TTC28: variants seen among roughly 807,000 people sequenced by gnomAD.
TTC28 encodes tetratricopeptide repeat domain 28.
In TTC28, 61 loss-of-function variants were observed where a neutral mutation model predicts 198.0. The observed-to-expected ratio is 0.31, with a 90% CI of 0.25 to 0.38. TTC28 has a LOEUF of 0.38. Ranked by LOEUF, TTC28 falls within the 10% of genes least tolerant of loss-of-function variation. TTC28 has a pLI of 1.00. For synonymous variants in TTC28, 1,171 were observed against 1,297.8 expected (o/e 0.90, Z 2.10); for missense variants, 2,678 against 3,164.0 (o/e 0.85, Z 3.69).
intron 2 of TTC28, among the ~76,000 whole-genome samples, chr22:28,413,901 AAG>A (rs1254247086): frequency 6.6e-6 from 1 of 152,196 alleles, no homozygotes; most frequent in Admixed American, 6.5e-5. Flanking sequence ...TTAAACCCAA[AAG>A]AGAGGTGGAA....
At chr22:28,149,885 G>T (rs1453064544) in intron 6 of TTC28, among the ~76,000 whole-genome samples, 1 of 152,166 alleles carries the variant, frequency 6.6e-6, no homozygotes, top group Non-Finnish European at 1.5e-5. Context: ...TAAAAGGGTA[G>T]ATTTTAAATG....
intron 1 of TTC28, among the ~76,000 whole-genome samples, chr22:28,671,634 C>CAA (rs370262568): frequency 7.4e-4 from 60 of 81,584 alleles, no homozygotes; most frequent in South Asian, 1.3e-3. Flanking sequence ...GACTCCATCT[C>CAA]AAAAAAAAAA....
intron 13 of TTC28, among the ~76,000 whole-genome samples, chr22:28,017,413 G>A (rs73166779): frequency 0.036 from 5,537 of 152,348 alleles, 135 homozygotes; most frequent in Non-Finnish European, 0.053. Context: ...CCGGGGATAA[G>A]TCCCTGACTC....
chr22:28,530,978 T>C (rs1361555907), intron 2 of TTC28, among the ~76,000 whole-genome samples: 4 of 152,270 alleles, frequency 2.6e-5, no homozygotes, highest in African/African-American at 4.8e-5. Flanking sequence ...AGACCATTGA[T>C]GCTAGGAAGA....
intron 2 of TTC28, among the ~76,000 whole-genome samples, chr22:28,447,304 G>A (rs1389189925): frequency 6.6e-6 from 1 of 152,070 alleles, no homozygotes; most frequent in African/African-American, 2.4e-5. Flanking sequence ...CATGTTAAAA[G>A]GGGCAACTGC....
intron 2 of TTC28, among the ~76,000 whole-genome samples, chr22:28,509,097 A>C (rs1207289389): frequency 6.6e-6 from 1 of 151,832 alleles, no homozygotes; most frequent in Non-Finnish European, 1.5e-5. Flanking sequence ...AGGCTGAGGC[A>C]GGAGAATTGC....
At chr22:28,531,024 C>T (rs2049123789) in intron 2 of TTC28, among the ~76,000 whole-genome samples, 1 of 152,164 alleles carries the variant, frequency 6.6e-6, no homozygotes, top group Non-Finnish European at 1.5e-5. Context: ...AACCAGCTGA[C>T]ATCATAATGA....
chr22:28,596,444 T>C (rs963548958), intron 2 of TTC28, among the ~76,000 whole-genome samples: 8 of 152,210 alleles, frequency 5.3e-5, no homozygotes, highest in African/African-American at 1.7e-4. Flanking sequence ...GGCTCCATAA[T>C]ACTTATTGCT....
chr22:28,312,718 A>C (rs1273739743), intron 2 of TTC28, among the ~76,000 whole-genome samples: 1 of 152,248 alleles, frequency 6.6e-6, no homozygotes, highest in Non-Finnish European at 1.5e-5. Flanking sequence ...AGCAGTGTGT[A>C]GAGGGAAATT....
chr22:28,626,350 T>C (rs2051076504), intron 2 of TTC28, among the ~76,000 whole-genome samples: 2 of 152,060 alleles, frequency 1.3e-5, no homozygotes, highest in Admixed American at 1.3e-4. Context: ...CTTTAGATCC[T>C]TACATAAAAA....
intron 13 of TTC28, among the ~76,000 whole-genome samples, chr22:28,019,567 T>C (rs2146598164): frequency 6.6e-6 from 1 of 152,358 alleles, no homozygotes; most frequent in South Asian, 2.1e-4. Flanking sequence ...TCACAGCGGC[T>C]AACAGGTGTG....
intron 2 of TTC28, among the ~76,000 whole-genome samples, chr22:28,573,946 T>C (rs2050102247): frequency 6.6e-6 from 1 of 152,158 alleles, no homozygotes; most frequent in Non-Finnish European, 1.5e-5. Context: ...AGTGAGAAGA[T>C]GCAAAGTGTG....
intron 5 of TTC28, among the ~76,000 whole-genome samples, chr22:28,172,737 T>A (rs556128895): frequency 9.3e-4 from 141 of 152,242 alleles, no homozygotes; most frequent in Middle Eastern, 3.4e-3. Flanking sequence ...GAAGTCCGTA[T>A]CTCTAGAAAG....
At chr22:28,167,572 CAT>C (rs1448534792) in intron 5 of TTC28, among the ~76,000 whole-genome samples, 1 of 152,198 alleles carries the variant, frequency 6.6e-6, no homozygotes, top group Admixed American at 6.5e-5. Context: ...GAAAAAACCA[CAT>C]GATTATCTCA....
chr22:28,392,376 C>G (rs539293268), intron 2 of TTC28, among the ~76,000 whole-genome samples: 20 of 152,292 alleles, frequency 1.3e-4, no homozygotes, highest in African/African-American at 4.1e-4. Context: ...CCACCCAGTT[C>G]GAGCTTCTGG....
chr22:28,210,127 C>T (rs571216529), intron 5 of TTC28, among the ~76,000 whole-genome samples: 2 of 152,202 alleles, frequency 1.3e-5, no homozygotes, highest in African/African-American at 4.8e-5. Context: ...ACACCAAAAC[C>T]CCATCTATAT....
intron 1 of TTC28, among the ~76,000 whole-genome samples, chr22:28,632,932 C>T (rs950126304): frequency 6.6e-6 from 1 of 151,554 alleles, no homozygotes; most frequent in African/African-American, 2.4e-5. Context: ...TTGAGACCAG[C>T]CTGGCAACAT....
chr22:28,203,441 G>GA (rs2147158904), intron 5 of TTC28, among the ~76,000 whole-genome samples: 1 of 152,158 alleles, frequency 6.6e-6, no homozygotes, highest in South Asian at 2.1e-4. Context: ...ATCTGTTCAG[G>GA]AAATTAAGTC....
Position 28,280,873 on chromosome 22 carries a change from G to C in TTC28, c.933+15325C>G, listed in dbSNP as rs374439538. On this transcript the variant is annotated intron_variant, in intron 5 of 22. Transcript: ENST00000397906. ...ATTTCTGCTGATTATTGAATTCTGG[G>C]GTTGACAGATTTTTTTTTCTTTCAG... Among the ~76,000 whole-genome samples the C allele has an allele frequency of 2.0e-5, 3 of 151,932 alleles. No homozygotes were observed. In the South Asian group the frequency reaches 6.2e-4, roughly 32 times the overall value.
Sources: allele counts gnomAD v4.1 joint callset (sites outside exome capture counted in the v4.1 genomes callset), GRCh38; gene constraint gnomAD v4.1.1; transcripts MANE v1.5; gene names NCBI Gene and HGNC (gene_info 2026-07-23, HGNC 2026-07-21).